Variants in SOX5 observed in about 807,000 individuals in gnomAD.
SOX5 encodes the protein SRY-box transcription factor 5.
A neutral mutation model predicts 92.0 loss-of-function variants in SOX5; 9 were observed. That is an observed-to-expected ratio of 0.10 (90% CI 0.06 to 0.17). The LOEUF (loss-of-function observed/expected upper bound fraction) is 0.17, where lower values mean the gene tolerates loss of function less well. Among genes scored for constraint, SOX5 ranks in the 10% least tolerant of loss-of-function variants. The pLI is 1.00. For synonymous variants in SOX5, 344 were observed against 336.3 expected (o/e 1.02, Z -0.25); for missense variants, 642 against 944.5 (o/e 0.68, Z 4.20).
intron 6 of SOX5, among the ~76,000 whole-genome samples, chr12:23,676,455 C>G (rs369711988): frequency 9.9e-5 from 15 of 152,252 alleles, no homozygotes; most frequent in East Asian, 7.7e-4. Flanking sequence ...GTGTCGCTGT[C>G]TTTATGAAGA....
At chr12:24,442,431 T>C (rs1940771517) in intron 1 of SOX5, among the ~76,000 whole-genome samples, 1 of 152,098 alleles carries the variant, frequency 6.6e-6, no homozygotes, top group African/African-American at 2.4e-5. Context: ...ACACAATAAA[T>C]GAATATATTG....
intron 3 of SOX5, among the ~76,000 whole-genome samples, chr12:24,244,359 C>T: frequency 6.6e-6 from 1 of 152,214 alleles, no homozygotes; most frequent in Non-Finnish European, 1.5e-5. Context: ...ACCCTGGTGG[C>T]TTCCTCTGTC....
chr12:24,555,327 G>A lies in SOX5; in HGVS notation c.-251+7002C>T, dbSNP rs373334432. ...AATTACCTAAAGATGGTCAAGGTCA[G>A]TTGGTATAGCTGGTGTACGGTTTAT... On this transcript the variant is annotated intron_variant, in intron 1 of 4. Transcript: ENST00000446891. Among the ~76,000 whole-genome samples the A allele has an allele frequency of 1.2e-4, 19 of 152,350 alleles. No individual in the cohort carries two copies. The East Asian group carries it at 2.7e-3, about 22-fold the overall frequency.
intron 4 of SOX5, among the ~76,000 whole-genome samples, chr12:24,032,601 T>C (rs1285887216): frequency 6.6e-6 from 1 of 151,858 alleles, no homozygotes; most frequent in Non-Finnish European, 1.5e-5. Flanking sequence ...TTAACTGTAG[T>C]AACTACTTGT....
chr12:24,419,674 G>A (rs1965610043), intron 1 of SOX5, among the ~76,000 whole-genome samples: 1 of 152,142 alleles, frequency 6.6e-6, no homozygotes, highest in Non-Finnish European at 1.5e-5. Context: ...CTGTGCTAGT[G>A]CTTACTCCCT....
At chr12:24,002,729 C>G (rs911540127) in intron 4 of SOX5, among the ~76,000 whole-genome samples, 5 of 152,024 alleles carry the variant, frequency 3.3e-5, no homozygotes, top group African/African-American at 1.2e-4. Context: ...GATAGCTTCA[C>G]TGGTAAGTTT....
At chr12:23,950,437 G>C (rs1357623815), upstream of SOX5, among the ~76,000 whole-genome samples, 1 of 152,172 alleles carries the variant, frequency 6.6e-6, no homozygotes, top group Non-Finnish European at 1.5e-5. Flanking sequence ...AAAGTGGTGC[G>C]AACGTCCTGG....
intron 4 of SOX5, among the ~76,000 whole-genome samples, chr12:24,080,280 G>A (rs1369053774): frequency 6.6e-6 from 1 of 151,800 alleles, no homozygotes; most frequent in Non-Finnish European, 1.5e-5. Flanking sequence ...GAACACTTTG[G>A]AAAAATATTT....
At chr12:24,105,883 A>C (rs1334211810) in intron 4 of SOX5, among the ~76,000 whole-genome samples, 2 of 152,178 alleles carry the variant, frequency 1.3e-5, no homozygotes, top group Admixed American at 6.5e-5. Context: ...ACAATGTAAG[A>C]ATCATTCCTC....
intron 5 of SOX5, 73 bp downstream of exon 5, chr12:23,740,794 T>C (rs2093766851): frequency 6.2e-6 from 8 of 1,283,528 alleles, no homozygotes; most frequent in Admixed American, 1.9e-5. Flanking sequence ...GTTGTGTGCC[T>C]AGGACAGTGA....
upstream of SOX5, among the ~76,000 whole-genome samples, chr12:23,951,717 A>T (rs1333761545): frequency 2.6e-5 from 4 of 152,174 alleles, no homozygotes; most frequent in Non-Finnish European, 5.9e-5. Flanking sequence ...TGGAGTTAAG[A>T]CACTAACAAA....
At chr12:24,530,015 G>A (rs1389705232) in intron 1 of SOX5, among the ~76,000 whole-genome samples, 4 of 83,770 alleles carry the variant, frequency 4.8e-5, no homozygotes, top group South Asian at 5.1e-4. Flanking sequence ...GCGAGACTCC[G>A]TCTCAAAAAA....
rs572090648 is a variant in SOX5 at position 24,132,091 on chromosome 12, A to C, written c.-2+81252T>G. Among the ~76,000 whole-genome samples, 355 of 152,314 alleles carry C rather than the reference A, an allele frequency of 2.3e-3. 2 individuals carry two copies. The highest frequency in any genetic ancestry group is 4.1e-3 in the Non-Finnish European group (277 of 68,022). On this transcript the variant is annotated intron_variant, in intron 4 of 4. Coordinates refer to the SOX5 transcript ENST00000446891. ...AGGCTCTCTTCAATCCCTAATGCTAAGTAAAAAGTTAAAAATAAAAGGCTT... is the reference window on the plus strand; with the variant it reads ...AGGCTCTCTTCAATCCCTAATGCTACGTAAAAAGTTAAAAATAAAAGGCTT...
chr12:24,307,944 G>A (rs549992888), intron 2 of SOX5, among the ~76,000 whole-genome samples: 2 of 152,202 alleles, frequency 1.3e-5, no homozygotes, highest in African/African-American at 2.4e-5. Context: ...ACCATCAGGT[G>A]ATGGTCACGC....
chr12:24,049,985 C>T (rs1409439742), intron 4 of SOX5, among the ~76,000 whole-genome samples: 1 of 149,530 alleles, frequency 6.7e-6, no homozygotes, highest in East Asian at 2.0e-4. Flanking sequence ...AAGGAGATCA[C>T]CAGACTGCTG....
intron 1 of SOX5, among the ~76,000 whole-genome samples, chr12:24,475,806 A>T (rs112422481): frequency 6.6e-6 from 1 of 151,976 alleles, no homozygotes; most frequent in African/African-American, 2.4e-5. Flanking sequence ...ACAATGTGAG[A>T]CTCCATTCCT....
intron 1 of SOX5, among the ~76,000 whole-genome samples, chr12:24,446,396 C>T (rs910859300): frequency 1.3e-5 from 2 of 152,040 alleles, no homozygotes; most frequent in Admixed American, 6.6e-5. Context: ...AAGAATATTC[C>T]CAGCAGAGAG....
At chr12:23,577,189 ATAT>A (rs1441338657) in intron 9 of SOX5, among the ~76,000 whole-genome samples, 1 of 71,278 alleles carries the variant, frequency 1.4e-5, no homozygotes, top group African/African-American at 4.4e-5. Flanking sequence ...ATATATATAT[ATAT>A]TTTTTTTTTT....
chr12:23,934,766 A>G (rs1440204066), intron 1 of SOX5, among the ~76,000 whole-genome samples: 1 of 151,442 alleles, frequency 6.6e-6, no homozygotes, highest in African/African-American at 2.4e-5. Flanking sequence ...GTTATAAATG[A>G]TTTCTTATTG....
Sources: allele counts gnomAD v4.1 joint callset (sites outside exome capture counted in the v4.1 genomes callset), GRCh38; gene constraint gnomAD v4.1.1; transcripts MANE v1.5; gene names NCBI Gene and HGNC (gene_info 2026-07-23, HGNC 2026-07-21).